Variants in UTRN observed in about 807,000 individuals in gnomAD.
UTRN encodes utrophin, also known as dystrophin-related protein 1.
Under a neutral mutation model 463.9 loss-of-function variants are expected in UTRN, and 283 were observed. That is an observed-to-expected ratio of 0.61 (90% CI 0.55 to 0.67). The LOEUF (loss-of-function observed/expected upper bound fraction) is 0.67, where lower values mean the gene tolerates loss of function less well. UTRN is among the 30% of genes least tolerant of loss of function. The pLI is 0.00. For synonymous variants in UTRN, 1,442 were observed against 1,431.5 expected (o/e 1.01, Z -0.17); for missense variants, 3,922 against 4,084.3 (o/e 0.96, Z 1.08).
chr6:144,816,618 G>A (rs1313732708), intron 65 of UTRN, among the ~76,000 whole-genome samples: 2 of 149,624 alleles, frequency 1.3e-5, no homozygotes, highest in African/African-American at 5.0e-5. Context: ...ATTCCTTCAT[G>A]TATATTTTAT....
In UTRN at chr6:144,330,856, A is replaced by G. The variant is rs548941395; in HGVS notation, c.79+38949A>G. ...CCCTGTTTTTCAATTTGACTCCATC[A>G]AAGCACATTCTCCAGCCGAGGGGTA... On this transcript the variant is annotated intron_variant, in intron 2 of 74. Coordinates refer to ENST00000367545, the MANE Select transcript of UTRN (RefSeq NM_007124.3). 209 of 985,440 alleles carry G rather than the reference A, an allele frequency of 2.1e-4. 1 individual carries two copies. In the South Asian group the frequency reaches 8.4e-3, roughly 40 times the overall value. 61.0% of individuals were successfully genotyped at this position (985,440 alleles called of 1,614,324 possible).
At position 144,603,761 on chromosome 6, in the gene UTRN, A is replaced by G. The variant is rs545282637; in HGVS notation, c.7479+26473A>G. ...TTATTAAAAATACCTAGTCATTGATATATCCATTAGTTCCTAAAAAGAAAG... is the reference window on the plus strand; with the variant it reads ...TTATTAAAAATACCTAGTCATTGATGTATCCATTAGTTCCTAAAAAGAAAG... On this transcript the variant is annotated intron_variant, in intron 51 of 74. Transcript: ENST00000367545. Among the ~76,000 whole-genome samples the G allele has an allele frequency of 5.3e-5, 8 of 152,344 alleles. No individual in the cohort carries two copies. In the South Asian group the frequency reaches 1.5e-3, roughly 28 times the overall value.
At chr6:144,775,404 G>A (rs1235219437) in intron 60 of UTRN, among the ~76,000 whole-genome samples, 1 of 152,174 alleles carries the variant, frequency 6.6e-6, no homozygotes, top group Non-Finnish European at 1.5e-5. Flanking sequence ...GGCAATGCAA[G>A]GAAGAATGAG....
At position 144,482,208 on chromosome 6, in the gene UTRN, G is replaced by A; in HGVS notation, c.3508-1G>A. On this transcript the variant is annotated splice_acceptor_variant, in intron 26 of 74. Coordinates refer to ENST00000367545, the MANE Select transcript of UTRN (RefSeq NM_007124.3). LOFTEE classifies it high-confidence loss of function. ...AGTTCATCCATCCTTTCTTGGAACA[G>A]AGGGCAAAAGAGGATGTGTTGCAGA... The A allele has an allele frequency of 2.1e-6, 3 of 1,455,896 alleles. No individual in the cohort carries two copies. Among genetic ancestry groups the A allele is most frequent in the Non-Finnish European group, 2.7e-6 (3 of 1,095,216 alleles). The allele number at this position is 1,455,896 out of a possible 1,614,324, so 90.2% of individuals were successfully genotyped here.
chr6:144,427,093 A>G (rs767739269), intron 7 of UTRN, among the ~76,000 whole-genome samples: 5 of 152,224 alleles, frequency 3.3e-5, no homozygotes, highest in Non-Finnish European at 7.3e-5. Context: ...ATATGGTTCA[A>G]CCTAATAAAA....
intron 46 of UTRN, among the ~76,000 whole-genome samples, chr6:144,543,701 T>C (rs948683185): frequency 2.6e-5 from 4 of 152,162 alleles, no homozygotes; most frequent in African/African-American, 9.6e-5. Flanking sequence ...TCTACCTCTT[T>C]TTTTTGGGAG....
At chr6:144,739,197 A>G (rs1359632233) in intron 54 of UTRN, among the ~76,000 whole-genome samples, 1 of 152,192 alleles carries the variant, frequency 6.6e-6, no homozygotes, top group Non-Finnish European at 1.5e-5. Flanking sequence ...GCCAAGTATT[A>G]AGACTATTTT....
intron 2 of UTRN, among the ~76,000 whole-genome samples, chr6:144,373,190 CAT>C (rs1289520296): frequency 1.3e-5 from 2 of 152,144 alleles, no homozygotes; most frequent in Non-Finnish European, 2.9e-5. Context: ...AAACTGAAAA[CAT>C]ATGTTCACAC....
At chr6:144,544,716 T>A (rs542597752) in intron 46 of UTRN, among the ~76,000 whole-genome samples, 2 of 152,226 alleles carry the variant, frequency 1.3e-5, no homozygotes, top group East Asian at 3.9e-4. Context: ...AAAAAAACCT[T>A]TTTCGTTTTC....
rs1052286922 is a variant in UTRN at position 144,301,513 on chromosome 6, T to G, written c.79+9606T>G. Among the ~76,000 whole-genome samples, 14 of 149,710 alleles carry G rather than the reference T, an allele frequency of 9.4e-5. No homozygotes were observed. In the East Asian group the frequency reaches 2.7e-3, roughly 29 times the overall value. On this transcript the variant is annotated intron_variant, in intron 2 of 74. Transcript: ENST00000367545. ...AAGGGAGACATTTAGGGAAGTCTCA[T>G]GCCATCCTATCTTTCTTTCTTTCTT...
chr6:144,459,979 CTGGA>C (rs1789246384), intron 21 of UTRN, among the ~76,000 whole-genome samples: 1 of 151,510 alleles, frequency 6.6e-6, no homozygotes, highest in Non-Finnish European at 1.5e-5. Flanking sequence ...TGTACCTGAC[CTGGA>C]TATAATGATT....
At chr6:144,305,912 A>G (rs1805692655) in intron 2 of UTRN, among the ~76,000 whole-genome samples, 1 of 152,236 alleles carries the variant, frequency 6.6e-6, no homozygotes, top group South Asian at 2.1e-4. Flanking sequence ...TAGGAGATTC[A>G]CTGCAGTCAT....
At position 144,382,036 on chromosome 6, in the gene UTRN, A is replaced by G. The variant is rs113521611; in HGVS notation, c.80-21087A>G. ...GCATCTTTTATTTTTTGCCTTTTTA[A>G]TAATAGCCATTCTGACTGGTGTGAA... On this transcript the variant is annotated intron_variant, in intron 2 of 74. Transcript: ENST00000367545. 8.4e-3 allele frequency among the ~76,000 whole-genome samples: 1,272 copies of G among 152,238 alleles called. 18 individuals carry two copies. The highest frequency in any genetic ancestry group is 0.029 in the African/African-American group (1,185 of 41,530).
At chr6:144,678,341 T>C in intron 51 of UTRN, 65 bp from the exon 52 acceptor site, 1 of 1,475,644 alleles carries the variant, frequency 6.8e-7, no homozygotes, top group Non-Finnish European at 9.1e-7. Context: ...GAGCAACTCA[T>C]CTGTGAATAT....
At chr6:144,755,349 G>A (rs1384842159) in intron 57 of UTRN, among the ~76,000 whole-genome samples, 1 of 152,080 alleles carries the variant, frequency 6.6e-6, no homozygotes, top group Non-Finnish European at 1.5e-5. Flanking sequence ...TTTTCAACTG[G>A]AATTGATAAA....
chr6:144,579,052 G>A (rs1801713778), intron 51 of UTRN, among the ~76,000 whole-genome samples: 1 of 152,104 alleles, frequency 6.6e-6, no homozygotes, highest in African/African-American at 2.4e-5. Flanking sequence ...AAAACTCATG[G>A]TGTTTTACTG....
intron 2 of UTRN, among the ~76,000 whole-genome samples, chr6:144,294,520 C>T (rs1237436007): frequency 6.6e-6 from 1 of 151,874 alleles, no homozygotes; most frequent in African/African-American, 2.4e-5. Context: ...AAATTGGTTG[C>T]TTTTCCATTT....
In UTRN at chr6:144,462,696, A is replaced by G. The variant is rs929267013; in HGVS notation, c.2896A>G (p.Lys966Glu). The change falls in exon 23 of 75, where the codon AAA (lysine) becomes GAA (glutamate). Residue 966 changes from lysine to glutamate, a missense_variant. Lys to Glu is a moderately conservative substitution (Grantham distance 56). This residue lies in a region of UTRN where 2,349 missense variants were observed against 2,303.8 expected (regional missense o/e 1.02). Transcript: ENST00000367545. ...TGAGAATCAGAAACCTGCATTACAT[A>G]AACTTGCAGAAGAAACAAAGGCTCT... ...ILENQKPALH[K>E]LAEETKALEK... 3 of 1,606,690 alleles carry G rather than the reference A, an allele frequency of 1.9e-6. No individual in the cohort carries two copies. Among genetic ancestry groups the G allele is most frequent in the African/African-American group, 2.7e-5 (2 of 74,300 alleles).
intron 2 of UTRN, among the ~76,000 whole-genome samples, chr6:144,315,260 C>T (rs184472463): frequency 2.2e-4 from 34 of 152,264 alleles, no homozygotes; most frequent in Admixed American, 1.8e-3. Flanking sequence ...GTTCAACCAG[C>T]GGGGTCAGGA....
Sources: gnomAD v4.1 joint callset for allele counts (sites outside exome capture counted in the v4.1 genomes callset) on GRCh38, gnomAD v4.1.1 for gene constraint, gnomAD v4.1.1 regional missense constraint, MANE v1.5 for transcripts, NCBI Gene and HGNC (gene_info 2026-07-23, HGNC 2026-07-21) for gene names.